Variants in SMARCA2 observed in about 807,000 individuals in gnomAD.
SMARCA2 encodes SWI/SNF related BAF chromatin remodeling complex subunit ATPase 2.
In SMARCA2, 61 loss-of-function variants were observed where a neutral mutation model predicts 199.8. The ratio of observed to expected loss-of-function variants is 0.31; its 90% CI spans 0.25 to 0.38. The LOEUF is 0.38. SMARCA2 is among the 10% of genes least tolerant of loss of function. SMARCA2 has a pLI of 1.00. For synonymous variants in SMARCA2, 935 were observed against 732.0 expected (o/e 1.28, Z -4.48); for missense variants, 1,344 against 2,012.2 (o/e 0.67, Z 6.35).
chr9:2,050,625 AT>A (rs34545845), intron 5 of SMARCA2, among the ~76,000 whole-genome samples: 6,567 of 143,184 alleles, frequency 0.046, 341 homozygotes, highest in African/African-American at 0.14. Context: ...CTTACCTGTG[AT>A]TTTTTTTTTT....
intron 4 of SMARCA2, chr9:2,045,715 C>T (rs954758996): frequency 6.6e-6 from 1 of 151,480 alleles, no homozygotes; most frequent in African/African-American, 2.4e-5. Context: ...CTCATCAACC[C>T]CGAGAACCAC....
intron 32 of SMARCA2, among the ~76,000 whole-genome samples, chr9:2,186,521 C>G (rs1222856358): frequency 6.6e-6 from 1 of 152,106 alleles, no homozygotes; most frequent in Non-Finnish European, 1.5e-5. Flanking sequence ...ATTTTTGAGA[C>G]AGGGTCTCAC....
chr9:2,145,874 G>C (rs896390882), intron 27 of SMARCA2, among the ~76,000 whole-genome samples: 2 of 152,210 alleles, frequency 1.3e-5, no homozygotes, highest in African/African-American at 2.4e-5. Flanking sequence ...AGGGGTAGTG[G>C]AATGGGAGTT....
chr9:2,166,286 A>G lies in SMARCA2; in HGVS notation c.4200-4133A>G, dbSNP rs548989549. Among the ~76,000 whole-genome samples, 43 of 152,232 alleles carry G rather than the reference A, an allele frequency of 2.8e-4. No individual in the cohort carries two copies. In the South Asian group the frequency reaches 6.4e-3, roughly 23 times the overall value. ...ACTCCAATGGGGTATTCTGATCATT[A>G]ATTACAGGGTGGTTAGCTTCCTTAT... On this transcript the variant is annotated intron_variant, in intron 28 of 33. Coordinates refer to ENST00000349721, the MANE Select transcript of SMARCA2 (RefSeq NM_003070.5).
intron 32 of SMARCA2, among the ~76,000 whole-genome samples, chr9:2,190,101 G>C (rs1260105936): frequency 3.3e-5 from 5 of 152,200 alleles, no homozygotes; most frequent in Non-Finnish European, 7.3e-5. Context: ...CCATGGAGCA[G>C]ATTGTCTTTG....
Position 2,148,673 on chromosome 9 carries a change from TA to T in SMARCA2, c.3982-13011del, listed in dbSNP as rs559292707. On this transcript the variant is annotated intron_variant, in intron 27 of 33. Transcript: ENST00000349721. ...ACACGCACATGCCACCACACCCAAC[TA>T]ATTTTTTTATTTTTTGTAGAGACAG... 2.0e-5 allele frequency among the ~76,000 whole-genome samples: 3 copies of T among 151,430 alleles called. No homozygotes were observed. In the South Asian group the frequency reaches 6.3e-4, roughly 32 times the overall value.
At chr9:2,053,097 A>T (rs1462713622) in intron 5 of SMARCA2, among the ~76,000 whole-genome samples, 2 of 152,136 alleles carry the variant, frequency 1.3e-5, no homozygotes, top group East Asian at 1.9e-4. Flanking sequence ...CATAGTACCT[A>T]AAAGTTTTTC....
intron 28 of SMARCA2, among the ~76,000 whole-genome samples, chr9:2,168,315 A>G (rs966127901): frequency 6.6e-6 from 1 of 152,138 alleles, no homozygotes. Context: ...CCGGCAAATG[A>G]TCTGATATTT....
At chr9:2,068,213 T>C (rs991927556) in intron 9 of SMARCA2, among the ~76,000 whole-genome samples, 1 of 152,252 alleles carries the variant, frequency 6.6e-6, no homozygotes, top group Non-Finnish European at 1.5e-5. Flanking sequence ...TATTGTTCTC[T>C]GTGTCACTAG....
At chr9:2,074,516 T>C (rs1821234979) in intron 12 of SMARCA2, among the ~76,000 whole-genome samples, 1 of 152,212 alleles carries the variant, frequency 6.6e-6, no homozygotes, top group Non-Finnish European at 1.5e-5. Flanking sequence ...GAGCACTTAA[T>C]GCTTTTGTAA....
At chr9:2,136,570 A>G (rs1824206529) in intron 27 of SMARCA2, among the ~76,000 whole-genome samples, 1 of 152,160 alleles carries the variant, frequency 6.6e-6, no homozygotes, top group Non-Finnish European at 1.5e-5. Flanking sequence ...TTCAACATCC[A>G]TTTGTCAAAC....
intron 27 of SMARCA2, among the ~76,000 whole-genome samples, chr9:2,135,480 G>C (rs1824152252): frequency 6.6e-6 from 1 of 152,090 alleles, no homozygotes; most frequent in Non-Finnish European, 1.5e-5. Context: ...ATGGTATTTT[G>C]TTATGGCAGC....
intron 27 of SMARCA2, among the ~76,000 whole-genome samples, chr9:2,156,999 G>C (rs1825400597): frequency 6.6e-6 from 1 of 152,148 alleles, no homozygotes; most frequent in African/African-American, 2.4e-5. Flanking sequence ...TTTTCTAACA[G>C]GTTGCTTGTG....
intron 4 of SMARCA2, 132 bp from the exon 5 acceptor site, chr9:2,047,097 C>A: frequency 1.0e-4 from 49 of 485,742 alleles, no homozygotes; most frequent in East Asian, 3.2e-4. Flanking sequence ...TTTTTTTTTT[C>A]CTTCTCTTCC....
At chr9:2,182,097 C>T (rs1586806613) in intron 30 of SMARCA2, 44 bp from the exon 31 acceptor site, 1 of 1,228,358 alleles carries the variant, frequency 8.1e-7, no homozygotes, top group Non-Finnish European at 1.2e-6. Context: ...GCTGAATTTT[C>T]CTCTCCCTCT....
intron 31 of SMARCA2, among the ~76,000 whole-genome samples, chr9:2,183,173 TTTTTTGGA>T (rs1414189614): frequency 6.6e-6 from 1 of 152,228 alleles, no homozygotes; most frequent in African/African-American, 2.4e-5. Context: ...CCATTTTTGC[TTTTTTGGA>T]GATTGTATAT....
chr9:2,039,396 G>T lies in SMARCA2; in HGVS notation c.356-70G>T, dbSNP rs947363211. 7.0e-7 allele frequency: 1 copy of T among 1,425,384 alleles called. No homozygotes were observed. The highest frequency in any genetic ancestry group is 9.6e-7 in the Non-Finnish European group (1 of 1,040,874). The allele number at this position is 1,425,384 out of a possible 1,614,324, so 88.3% of individuals were successfully genotyped here. On this transcript the variant is annotated intron_variant, in intron 3 of 33. Coordinates refer to ENST00000349721, the MANE Select transcript of SMARCA2 (RefSeq NM_003070.5). The surrounding 1 kb of genome is among the most constrained non-coding windows in gnomAD (Gnocchi z 4.8). ...AGTGTTGCTGTGGACAATTATTAGA[G>T]TATTCAGGGATATCTCTCTTTCAGG...
intron 12 of SMARCA2, 108 bp from the exon 13 acceptor site, chr9:2,076,117 TCTTA>T (rs1416141265): frequency 3.0e-6 from 2 of 659,952 alleles, no homozygotes; most frequent in East Asian, 5.4e-5. Context: ...AATTTTATGA[TCTTA>T]CTTCATTTGT....
intron 4 of SMARCA2, chr9:2,042,574 A>G (rs1000657135): frequency 6.6e-6 from 1 of 152,200 alleles, no homozygotes; most frequent in African/African-American, 2.4e-5. Context: ...ATTTATCTGG[A>G]TACCTGTACA....
Sources: gnomAD v4.1 joint callset for allele counts (sites outside exome capture counted in the v4.1 genomes callset) on GRCh38, gnomAD v4.1.1 for gene constraint, Gnocchi (gnomAD v3.1) non-coding constraint, MANE v1.5 for transcripts, NCBI Gene and HGNC (gene_info 2026-07-23, HGNC 2026-07-21) for gene names.